Variants in DGKI observed in about 807,000 individuals in gnomAD.
The protein encoded by DGKI is diacylglycerol kinase iota, also known as DAG kinase iota.
DGKI carries 55 observed loss-of-function variants against 147.5 expected under a neutral mutation model. That is an observed-to-expected ratio of 0.37 (90% CI 0.30 to 0.47). The LOEUF (loss-of-function observed/expected upper bound fraction) is 0.47. DGKI is among the 20% of genes least tolerant of loss of function. DGKI has a pLI of 1.00. For synonymous variants in DGKI, 469 were observed against 477.1 expected (o/e 0.98, Z 0.22); for missense variants, 1,007 against 1,323.8 (o/e 0.76, Z 3.71).
At chr7:137,610,451 G>C (rs1193697577) in intron 8 of DGKI, among the ~76,000 whole-genome samples, 3 of 152,084 alleles carry the variant, frequency 2.0e-5, no homozygotes, top group African/African-American at 7.2e-5. Context: ...CAGATGTTTT[G>C]AGAAGAACCT....
At chr7:137,408,997 G>C (rs11771895) in intron 29 of DGKI, among the ~76,000 whole-genome samples, 33,114 of 152,128 alleles carry the variant, frequency 0.22, 4,157 homozygotes, top group Middle Eastern at 0.31. Flanking sequence ...TAAGGTGAAA[G>C]AGCATAAATG....
At chr7:137,731,141 C>T (rs776405094) in intron 1 of DGKI, among the ~76,000 whole-genome samples, 4 of 152,040 alleles carry the variant, frequency 2.6e-5, no homozygotes, top group Non-Finnish European at 5.9e-5. Flanking sequence ...CCCAAACTTG[C>T]TTGGCTTGTC....
chr7:137,417,796 T>C (rs1428458913), intron 28 of DGKI, among the ~76,000 whole-genome samples: 1 of 152,224 alleles, frequency 6.6e-6, no homozygotes, highest in Non-Finnish European at 1.5e-5. Flanking sequence ...GTCCTTTCTA[T>C]CTTTTCCACC....
chr7:137,399,575 A>C (rs2128895240), intron 30 of DGKI, among the ~76,000 whole-genome samples: 1 of 152,316 alleles, frequency 6.6e-6, no homozygotes, highest in African/African-American at 2.4e-5. Flanking sequence ...ACCCATGTAA[A>C]GTCAAATTAA....
At chr7:137,514,275 C>T (rs1271974289) in intron 21 of DGKI, among the ~76,000 whole-genome samples, 1 of 152,176 alleles carries the variant, frequency 6.6e-6, no homozygotes, top group African/African-American at 2.4e-5. Context: ...TATGGGACCA[C>T]TGTTGTATAT....
intron 3 of DGKI, among the ~76,000 whole-genome samples, chr7:137,670,624 G>T (rs1822810271): frequency 2.6e-5 from 4 of 152,152 alleles, no homozygotes; most frequent in Admixed American, 2.6e-4. Flanking sequence ...TTTGTTGATG[G>T]CCACACTTTC....
chr7:137,813,005 C>T (rs1797637253), intron 1 of DGKI, among the ~76,000 whole-genome samples: 1 of 152,100 alleles, frequency 6.6e-6, no homozygotes, highest in African/African-American at 2.4e-5. Flanking sequence ...GAGCAGAGCC[C>T]CAAACAATGA....
At chr7:137,425,894 C>A (rs1222515074) in intron 28 of DGKI, among the ~76,000 whole-genome samples, 1 of 152,052 alleles carries the variant, frequency 6.6e-6, no homozygotes, top group Non-Finnish European at 1.5e-5. Flanking sequence ...AAATATGGGA[C>A]TATGTGAAAA....
intron 12 of DGKI, among the ~76,000 whole-genome samples, chr7:137,593,998 C>T (rs1424084077): frequency 6.6e-6 from 1 of 152,160 alleles, no homozygotes; most frequent in East Asian, 1.9e-4. Flanking sequence ...CCACCTCTTT[C>T]ACCTCCACTT....
chr7:137,590,431 C>G (rs528421115), intron 12 of DGKI, among the ~76,000 whole-genome samples: 1 of 152,334 alleles, frequency 6.6e-6, no homozygotes, highest in African/African-American at 2.4e-5. Flanking sequence ...AAAAACCCAG[C>G]TCTCATCTGA....
chr7:137,583,929 C>T (rs544086535), intron 14 of DGKI, among the ~76,000 whole-genome samples: 53 of 152,186 alleles, frequency 3.5e-4, no homozygotes, highest in African/African-American at 1.3e-3. Context: ...ATTTCAGGAT[C>T]ATGGTTTAGG....
At chr7:137,820,264 G>A (rs1183376537) in intron 1 of DGKI, among the ~76,000 whole-genome samples, 4 of 152,186 alleles carry the variant, frequency 2.6e-5, no homozygotes, top group African/African-American at 9.6e-5. Flanking sequence ...ACAGCAGGAG[G>A]CCCCAATCAG....
chr7:137,812,786 C>T (rs1797628578), intron 1 of DGKI, among the ~76,000 whole-genome samples: 1 of 152,178 alleles, frequency 6.6e-6, no homozygotes, highest in Non-Finnish European at 1.5e-5. Context: ...AGAAGGTTGA[C>T]TTTTAAAGCC....
At chr7:137,549,294 G>C (rs1159289300) in intron 20 of DGKI, among the ~76,000 whole-genome samples, 2 of 152,296 alleles carry the variant, frequency 1.3e-5, no homozygotes, top group East Asian at 1.9e-4. Context: ...AAAATTCTGG[G>C]CTGAAGACAC....
intron 2 of DGKI, among the ~76,000 whole-genome samples, chr7:137,689,495 T>A (rs142341788): frequency 7.2e-5 from 11 of 152,250 alleles, no homozygotes; most frequent in Non-Finnish European, 1.3e-4. Flanking sequence ...GTGCCTGTAA[T>A]CCTCTGGGAA....
rs1000753178 is a variant in DGKI, at chr7:137,479,732, G to A, written c.2373+5642C>T. ...AAAGTTCTATGGCTTGGGAATCCCTGCCTCATTTAATAATGGCCAATCAAT... is the reference window on the plus strand; with the variant it reads ...AAAGTTCTATGGCTTGGGAATCCCTACCTCATTTAATAATGGCCAATCAAT... On this transcript the variant is annotated intron_variant, in intron 23 of 32. Transcript: ENST00000614521. Among the ~76,000 whole-genome samples, 101 of 152,062 alleles carry A rather than the reference G, an allele frequency of 6.6e-4. 8 individuals carry two copies. Among genetic ancestry groups the A allele is most frequent in the Non-Finnish European group, 2.9e-5 (2 of 68,008 alleles).
At chr7:137,611,976 C>T (rs1487857237) in intron 8 of DGKI, among the ~76,000 whole-genome samples, 1 of 152,186 alleles carries the variant, frequency 6.6e-6, no homozygotes, top group Non-Finnish European at 1.5e-5. Flanking sequence ...CAGGAACATG[C>T]TATGGACCTA....
chr7:137,382,072 G>A lies in DGKI; in HGVS notation c.*9148C>T, dbSNP rs1811073962. 1 of 151,978 alleles carries A rather than the reference G, an allele frequency of 6.6e-6. No individual in the cohort carries two copies. Among genetic ancestry groups the A allele is most frequent in the Admixed American group, 6.6e-5 (1 of 15,242 alleles). 9.4% of individuals were successfully genotyped at this position (151,978 alleles called of 1,614,324 possible). A position where few individuals can be genotyped will look rare whatever the true frequency, so the allele number is the denominator to read the frequency against. Reference sequence around the variant, plus strand: ...ATATAGAAGGTACAACAAATATCAAGGCTAGATGGTATCTTAAAAGTGATA... The same window carrying A: ...ATATAGAAGGTACAACAAATATCAAAGCTAGATGGTATCTTAAAAGTGATA... On this transcript the variant is annotated 3_prime_UTR_variant, in exon 33 of 33. Coordinates refer to ENST00000614521, the MANE Select transcript of DGKI (RefSeq NM_001321708.2).
intron 28 of DGKI, among the ~76,000 whole-genome samples, chr7:137,434,590 C>G (rs1476158064): frequency 6.6e-6 from 1 of 151,940 alleles, no homozygotes; most frequent in Non-Finnish European, 1.5e-5. Flanking sequence ...CAAAACAAAA[C>G]AAAAACAAAC....
Sources: gnomAD v4.1 joint callset for allele counts (sites outside exome capture counted in the v4.1 genomes callset) on GRCh38, gnomAD v4.1.1 for gene constraint, MANE v1.5 for transcripts, NCBI Gene and HGNC (gene_info 2026-07-23, HGNC 2026-07-21) for gene names.